The following BANP variants were observed in gnomAD, a reference collection of about 807,000 sequenced individuals.
The protein encoded by BANP is protein BANP.
BANP carries 11 observed loss-of-function variants against 68.1 expected under a neutral mutation model. The ratio of observed to expected loss-of-function variants is 0.16; its 90% CI spans 0.10 to 0.27. BANP has a LOEUF of 0.27. BANP is among the 10% of genes least tolerant of loss of function. BANP has a pLI of 1.00. For synonymous variants in BANP, 329 were observed against 303.2 expected, an observed-to-expected ratio of 1.09 and a Z score of -0.88; for missense variants, 504 against 722.7, an observed-to-expected ratio of 0.70 and a Z score of 3.47.
At chr16:88,075,728 C>A (rs1270958522) in intron 13 of BANP, among the ~76,000 whole-genome samples, 1 of 148,736 alleles carries the variant, frequency 6.7e-6, no homozygotes, top group East Asian at 2.0e-4. Flanking sequence ...TATTCCAAGA[C>A]TGTATGTTTT....
chr16:88,046,515 A>C (rs1323434671), intron 11 of BANP, among the ~76,000 whole-genome samples: 5 of 151,962 alleles, frequency 3.3e-5, no homozygotes, highest in Admixed American at 6.5e-5. Context: ...GGCATTGTTT[A>C]TGTTCTTTTT....
intron 4 of BANP, among the ~76,000 whole-genome samples, chr16:87,994,727 G>A (rs2066736919): frequency 6.6e-6 from 1 of 152,104 alleles, no homozygotes; most frequent in South Asian, 2.1e-4. Flanking sequence ...CTGAGACCAG[G>A]AATTTGAGAC....
chr16:88,015,218 G>C (rs1378055794), intron 6 of BANP, among the ~76,000 whole-genome samples: 2 of 141,310 alleles, frequency 1.4e-5, no homozygotes, highest in Non-Finnish European at 3.0e-5. Flanking sequence ...CCCTCTGCTT[G>C]TGCCCTCTGC....
chr16:87,986,355 C>T (rs941731728), intron 4 of BANP, among the ~76,000 whole-genome samples: 5 of 152,196 alleles, frequency 3.3e-5, no homozygotes, highest in East Asian at 3.8e-4. Flanking sequence ...TAGATTCCAC[C>T]GCTGACAATG....
chr16:87,950,033 G>A (rs560946764), upstream of BANP, among the ~76,000 whole-genome samples: 6,079 of 151,828 alleles, frequency 0.04, 211 homozygotes, highest in Non-Finnish European at 0.053. Context: ...GCCTGCCACC[G>A]CGCCGGGCTA....
At chr16:88,032,678 A>G (rs1279721000) in intron 8 of BANP, among the ~76,000 whole-genome samples, 1 of 152,230 alleles carries the variant, frequency 6.6e-6, no homozygotes, top group Non-Finnish European at 1.5e-5. Context: ...CATCAAAGCA[A>G]ATGTATCTCA....
At position 88,002,425 on chromosome 16, in the gene BANP, G is replaced by A. The variant is rs926597681; in HGVS notation, c.363-1870G>A. On this transcript the variant is annotated intron_variant, in intron 4 of 13. Transcript: ENST00000682872. This position sits in a 1 kb window ranked among gnomAD's most constrained non-coding sequence, Gnocchi z 4.6. The stretch of plus-strand genomic sequence containing the variant: ...TCAGGTGGCCCTGCGCTGGCTCCTG[G>A]GGTCTGTGCCCTAGGTGGATGGTGC... Among the ~76,000 whole-genome samples the A allele has an allele frequency of 7.2e-5, 11 of 152,262 alleles. No individual in the cohort carries two copies. The highest frequency in any genetic ancestry group is 2.6e-4 in the African/African-American group (11 of 41,540).
At chr16:87,956,897 C>T (rs567273877) in intron 1 of BANP, 4 of 152,300 alleles carry the variant, frequency 2.6e-5, no homozygotes, top group African/African-American at 9.6e-5. Context: ...TCCCAGAAGC[C>T]CCCTCTCAGG....
chr16:87,965,443 G>T (rs1023600303), intron 1 of BANP, among the ~76,000 whole-genome samples: 18 of 151,996 alleles, frequency 1.2e-4, no homozygotes, highest in African/African-American at 4.1e-4. Context: ...GGAAGGGTGT[G>T]CAAGGGTGAT....
At chr16:87,979,480 G>T (rs565131550) in intron 2 of BANP, among the ~76,000 whole-genome samples, 1 of 129,848 alleles carries the variant, frequency 7.7e-6, no homozygotes, top group South Asian at 2.1e-4. Context: ...CATTTGAGTG[G>T]GGCTGGACAG....
intron 8 of BANP, among the ~76,000 whole-genome samples, chr16:88,030,583 G>A (rs754112830): frequency 5.3e-5 from 8 of 152,340 alleles, no homozygotes; most frequent in Admixed American, 2.0e-4. Context: ...GTTGGCCTGC[G>A]TCATTAGGAT....
rs184568567 is a variant in BANP at position 88,008,612 on chromosome 16, T to A, written c.655+2347T>A. Among the ~76,000 whole-genome samples the A allele has an allele frequency of 1.8e-4, 28 of 152,308 alleles. No homozygotes were observed. In the East Asian group the frequency reaches 5.2e-3, roughly 28 times the overall value. On this transcript the variant is annotated intron_variant, in intron 6 of 13. Coordinates refer to ENST00000682872, the MANE Select transcript of BANP (RefSeq NM_001386991.1). The stretch of plus-strand genomic sequence containing the variant: ...ATGAACTTATGAGACGATATCAAAT[T>A]TGGAGCTTACTTAGTATTGATCTGT...
At chr16:87,951,707 G>T (rs1352890344) in intron 1 of BANP, among the ~76,000 whole-genome samples, 192 bp downstream of exon 1, 1 of 149,628 alleles carries the variant, frequency 6.7e-6, no homozygotes, top group African/African-American at 2.4e-5. Context: ...CCGCGCCCCG[G>T]AAGAGGGGCT....
chr16:87,967,339 C>G (rs1034031640), intron 1 of BANP, among the ~76,000 whole-genome samples: 2 of 149,106 alleles, frequency 1.3e-5, no homozygotes, highest in Non-Finnish European at 1.5e-5. Flanking sequence ...CAACTCTGAC[C>G]TCAGGTGATC....
intron 1 of BANP, among the ~76,000 whole-genome samples, chr16:87,972,551 CT>C (rs2061324541): frequency 6.6e-6 from 1 of 151,954 alleles, no homozygotes; most frequent in African/African-American, 2.4e-5. Context: ...GATATTTGGC[CT>C]CAGTAGTTTC....
chr16:88,031,106 G>A lies in BANP; in HGVS notation c.1064-2003G>A, dbSNP rs1163825536. 2.0e-5 allele frequency among the ~76,000 whole-genome samples: 3 copies of A among 152,216 alleles called. No homozygotes were observed. The East Asian group carries it at 5.8e-4, about 29-fold the overall frequency. ...CTTGCTCGAGGACCTGTGGTGGTGA[G>A]TGCTCCGTAACTGCTCAGGCAGACA... On this transcript the variant is annotated intron_variant, in intron 8 of 13. Coordinates refer to ENST00000682872, the MANE Select transcript of BANP (RefSeq NM_001386991.1).
chr16:87,972,702 T>C (rs757677815), intron 1 of BANP, among the ~76,000 whole-genome samples: 5 of 152,234 alleles, frequency 3.3e-5, no homozygotes, highest in Non-Finnish European at 5.9e-5. Flanking sequence ...GCAGCTTCTT[T>C]TCTCAGCTCT....
chr16:88,003,149 C>T lies in BANP; in HGVS notation c.363-1146C>T, dbSNP rs117151979. ...TACTTTCCATACCTGACCTATAGGT[C>T]ATTTGTCAGGTTTTGCTGTGTTAAC... On this transcript the variant is annotated intron_variant, in intron 4 of 13. Transcript: ENST00000682872. The surrounding 1 kb of genome is among the most constrained non-coding windows in gnomAD (Gnocchi z 6.1). Among the ~76,000 whole-genome samples, 129 of 152,348 alleles carry T rather than the reference C, an allele frequency of 8.5e-4. No individual in the cohort carries two copies. Among genetic ancestry groups the T allele is most frequent in the Non-Finnish European group, 1.6e-3 (112 of 68,042 alleles).
chr16:88,035,529 G>A lies in BANP; in HGVS notation c.1272+135G>A, dbSNP rs899763367. On this transcript the variant is annotated intron_variant, in intron 10 of 13. Transcript: ENST00000682872. ...ACGTGGGCAAGGGCTGCAGGACTCC[G>A]CTTCCAGGGTGCACATAGCGGGCCT... 2.1e-5 allele frequency: 16 copies of A among 778,204 alleles called. No homozygotes were observed. In the African/African-American group the frequency reaches 2.1e-4, roughly 10 times the overall value. 48.2% of individuals were successfully genotyped at this position (778,204 alleles called of 1,614,324 possible).
Sources: gnomAD v4.1 joint callset for allele counts (sites outside exome capture counted in the v4.1 genomes callset) on GRCh38, gnomAD v4.1.1 for gene constraint, Gnocchi (gnomAD v3.1) non-coding constraint, MANE v1.5 for transcripts, NCBI Gene and HGNC (gene_info 2026-07-23, HGNC 2026-07-21) for gene names.